ZNF236: variants seen among roughly 807,000 people sequenced by gnomAD.
ZNF236 encodes the protein zinc finger protein 236.
A neutral mutation model predicts 191.2 loss-of-function variants in ZNF236; 50 were observed. That is an observed-to-expected ratio of 0.26 (90% CI 0.21 to 0.33). The LOEUF (loss-of-function observed/expected upper bound fraction) is 0.33. Among genes scored for constraint, ZNF236 ranks in the 10% least tolerant of loss-of-function variants. The pLI is 1.00. For missense variants in ZNF236, 1,754 were observed against 2,374.5 expected (o/e 0.74, Z 5.43); for synonymous variants, 907 against 928.8 (o/e 0.98, Z 0.43).
chr18:76,933,239 C>T (rs866551076), intron 25 of ZNF236, among the ~76,000 whole-genome samples: 2 of 152,150 alleles, frequency 1.3e-5, no homozygotes, highest in South Asian at 4.1e-4. Context: ...GAGGCCGAGG[C>T]GGGCGGATCA....
rs552333253 is a variant in ZNF236 at position 76,947,582 on chromosome 18, C to T, written c.4844C>T (p.Ser1615Leu). ...CTCTCGGGCCAGGGTGGAGCAGGCTCGCCGCAAGTCATACTAGTGAGCCAC... is the reference window on the plus strand; with the variant it reads ...CTCTCGGGCCAGGGTGGAGCAGGCTTGCCGCAAGTCATACTAGTGAGCCAC... Reference protein sequence around the residue: ...PSLSGQGGAGSPQVILVSHTP... With the variant: ...PSLSGQGGAGLPQVILVSHTP... Residue 1615 changes from serine (S) to leucine (L), a missense_variant, in exon 27 of 31, where the codon TCG becomes TTG. Coordinates refer to ENST00000320610, the MANE Select transcript of ZNF236 (RefSeq NM_001306089.2). 39 of 1,613,914 alleles carry T rather than the reference C, an allele frequency of 2.4e-5. No individual in the cohort carries two copies. Among genetic ancestry groups the T allele is most frequent in the Non-Finnish European group, 3.1e-5 (36 of 1,180,010 alleles).
At chr18:76,830,684 A>C (rs1006532165) in intron 1 of ZNF236, among the ~76,000 whole-genome samples, 29 of 152,314 alleles carry the variant, frequency 1.9e-4, no homozygotes, top group African/African-American at 6.7e-4. Flanking sequence ...AGGCAAGTTT[A>C]CGAATTTGTG....
chr18:76,846,897 C>A (rs1455793826), intron 1 of ZNF236, among the ~76,000 whole-genome samples: 1 of 151,922 alleles, frequency 6.6e-6, no homozygotes, highest in African/African-American at 2.4e-5. Context: ...TGGGTTCAAG[C>A]GATTCTCCTG....
intron 27 of ZNF236, among the ~76,000 whole-genome samples, chr18:76,955,255 A>T (rs186019377): frequency 1.7e-3 from 261 of 152,168 alleles, no homozygotes; most frequent in African/African-American, 6.1e-3. Context: ...AAAAAATAAA[A>T]AAGTTAGCTG....
At chr18:76,878,906 A>G (rs944188680) in intron 7 of ZNF236, among the ~76,000 whole-genome samples, 2 of 152,244 alleles carry the variant, frequency 1.3e-5, no homozygotes, top group Non-Finnish European at 2.9e-5. Flanking sequence ...GTTTTTAAAC[A>G]TTAGGTTTAC....
At chr18:76,905,547 A>C in intron 13 of ZNF236, 132 bp downstream of exon 13, 7 of 16,548 alleles carry the variant, frequency 4.2e-4, no homozygotes, top group Non-Finnish European at 3.3e-4. Context: ...GGGCTCAAGA[A>C]AAAAAAAAAA....
intron 26 of ZNF236, 141 bp from the exon 27 acceptor site, chr18:76,947,380 G>A (rs1402203370): frequency 9.2e-6 from 9 of 980,336 alleles, no homozygotes; most frequent in Non-Finnish European, 1.3e-5. Context: ...TGGGTTGCTG[G>A]GTTACATGGT....
chr18:76,960,943 C>G lies in ZNF236; in HGVS notation c.5419+88C>G. On this transcript the variant is annotated intron_variant, in intron 30 of 30. Coordinates refer to ENST00000320610, the MANE Select transcript of ZNF236 (RefSeq NM_001306089.2). The surrounding 1 kb of genome is among the most constrained non-coding windows in gnomAD (Gnocchi z 4.4). ...CATACATTGTTTCCTTTAGTTCACACAGTGATTTTGCATTGCACGTGGTAC... is the reference window on the plus strand; with the variant it reads ...CATACATTGTTTCCTTTAGTTCACAGAGTGATTTTGCATTGCACGTGGTAC... 7.1e-7 allele frequency: 1 copy of G among 1,413,980 alleles called. No homozygotes were observed. The highest frequency in any genetic ancestry group is 9.4e-7 in the Non-Finnish European group (1 of 1,061,360). 87.6% of individuals were successfully genotyped at this position (1,413,980 alleles called of 1,614,324 possible).
At chr18:76,870,623 G>A (rs766113883) in intron 4 of ZNF236, among the ~76,000 whole-genome samples, 52 of 152,336 alleles carry the variant, frequency 3.4e-4, no homozygotes, top group Admixed American at 1.2e-3. Context: ...AGGACAGTGG[G>A]ATGGGTGTGT....
chr18:76,839,728 A>G (rs1975426365), intron 1 of ZNF236, among the ~76,000 whole-genome samples: 3 of 152,092 alleles, frequency 2.0e-5, no homozygotes, highest in Admixed American at 1.3e-4. Context: ...ACATGGGGAC[A>G]GAATCTCAGA....
rs758916368 is a variant in ZNF236 at position 76,868,667 on chromosome 18, A to T, written c.364-18A>T. ...TTTGAAAGGTTTGCTCTGCTCACCG[A>T]TGGGTTTTCTCTTCCAGAATCTCAT... is the stretch of plus-strand genomic sequence containing the variant. On this transcript the variant is annotated intron_variant, in intron 3 of 30. Transcript: ENST00000320610. 5.1e-6 allele frequency: 8 copies of T among 1,580,696 alleles called. No homozygotes were observed. The East Asian group carries it at 1.8e-4, about 36-fold the overall frequency.
intron 27 of ZNF236, 51 bp from the exon 28 acceptor site, chr18:76,955,934 G>C: frequency 6.4e-7 from 1 of 1,565,738 alleles, no homozygotes; most frequent in Non-Finnish European, 8.7e-7. Context: ...TTCACAAACT[G>C]CACAAATCAA....
At chr18:76,959,606 T>G in intron 28 of ZNF236, 81 bp from the exon 29 acceptor site, 5 of 1,497,100 alleles carry the variant, frequency 3.3e-6, no homozygotes, top group Middle Eastern at 1.9e-4. Flanking sequence ...ACTTGAACTT[T>G]GCAGTGATTT....
chr18:76,953,632 T>C (rs1342359334), intron 27 of ZNF236, among the ~76,000 whole-genome samples: 2 of 152,196 alleles, frequency 1.3e-5, no homozygotes, highest in Non-Finnish European at 2.9e-5. Flanking sequence ...TTCCTGTTAC[T>C]TGAGATCAGC....
intron 26 of ZNF236, among the ~76,000 whole-genome samples, chr18:76,943,962 A>C (rs79861647): frequency 0.064 from 9,787 of 152,278 alleles, 1,023 homozygotes; most frequent in African/African-American, 0.22. Flanking sequence ...TGTGAGCAGT[A>C]AGTGAGGTTG....
chr18:76,891,457 C>T (rs965426980), intron 9 of ZNF236, among the ~76,000 whole-genome samples: 11 of 152,112 alleles, frequency 7.2e-5, no homozygotes, highest in South Asian at 4.1e-4. Context: ...ACTGCAGCCT[C>T]GACCTCCCAG....
At chr18:76,914,338 G>A (rs543097409) in intron 18 of ZNF236, among the ~76,000 whole-genome samples, 2 of 152,312 alleles carry the variant, frequency 1.3e-5, no homozygotes, top group South Asian at 4.2e-4. Flanking sequence ...ATGGACATTG[G>A]AGTTATTTCC....
chr18:76,871,933 G>A, intron 5 of ZNF236, 108 bp downstream of exon 5: 1 of 1,391,506 alleles, frequency 7.2e-7, no homozygotes, highest in Non-Finnish European at 9.9e-7. Context: ...CTCATAGTTT[G>A]CTGGATAATC....
Position 76,910,722 on chromosome 18 carries a change from G to A in ZNF236, c.2716G>A (p.Asp906Asn). 1 of 1,614,164 alleles carries A rather than the reference G, an allele frequency of 6.2e-7. No individual in the cohort carries two copies. Among genetic ancestry groups the A allele is most frequent in the Non-Finnish European group, 8.5e-7 (1 of 1,180,028 alleles). Residue 906 changes from aspartate (D) to asparagine (N), a missense_variant, in exon 16 of 31, where the codon GAT (aspartate) becomes AAT (asparagine). Coordinates refer to ENST00000320610, the MANE Select transcript of ZNF236 (RefSeq NM_001306089.2). ...PQFPPVQQLQ[D>N]SSTLESQALS... The stretch of plus-strand genomic sequence containing the variant: ...GTTTCCACCTGTCCAACAGCTACAG[G>A]ATTCCAGCACACTTGAGTCTCAGGC...
Sources: allele counts gnomAD v4.1 joint callset (sites outside exome capture counted in the v4.1 genomes callset), GRCh38; gene constraint gnomAD v4.1.1; non-coding constraint Gnocchi (gnomAD v3.1); transcripts MANE v1.5; gene names NCBI Gene and HGNC (gene_info 2026-07-23, HGNC 2026-07-21).